Variants in CHMP7 observed in about 807,000 individuals in gnomAD.
CHMP7 encodes CHMP family, member 7.
CHMP7 carries 15 observed loss-of-function variants against 53.7 expected under a neutral mutation model. That is an observed-to-expected ratio of 0.28 (90% confidence interval 0.19 to 0.43). CHMP7 has a LOEUF of 0.43. Among genes scored for constraint, CHMP7 ranks in the 20% least tolerant of loss-of-function variants. The pLI is 1.00. For synonymous variants in CHMP7, 261 were observed against 228.0 expected (o/e 1.14, Z -1.30); for missense variants, 527 against 569.4 (o/e 0.93, Z 0.76).
At chr8:23,253,124 C>T (rs1801993494) in intron 3 of CHMP7, among the ~76,000 whole-genome samples, 1 of 152,184 alleles carries the variant, frequency 6.6e-6, no homozygotes, top group African/African-American at 2.4e-5. Flanking sequence ...GGTCTTCCTT[C>T]AGCTTATTAC....
Position 23,246,609 on chromosome 8 carries a change from T to C in CHMP7, c.-87T>C. On this transcript the variant is annotated 5_prime_UTR_variant, in exon 2 of 11. Transcript: ENST00000397677. Reference sequence around the variant, plus strand: ...TGACGTGTGAACGAGAAGGAGGTGGTCAAGGAACGGAAGCCGGGAGGGAAC... The same window carrying C: ...TGACGTGTGAACGAGAAGGAGGTGGCCAAGGAACGGAAGCCGGGAGGGAAC... The C allele has an allele frequency of 8.6e-7, 1 of 1,168,140 alleles. No homozygotes were observed. The highest frequency in any genetic ancestry group is 1.2e-6 in the Non-Finnish European group (1 of 835,894). 72.4% of individuals were successfully genotyped at this position (1,168,140 alleles called of 1,614,324 possible).
intron 3 of CHMP7, among the ~76,000 whole-genome samples, chr8:23,251,876 C>T (rs1314578182): frequency 6.6e-6 from 1 of 152,168 alleles, no homozygotes; most frequent in African/African-American, 2.4e-5. Flanking sequence ...CTATGTACTT[C>T]TCCCTTTATT....
chr8:23,252,917 TAGGG>T (rs1416747344), intron 3 of CHMP7, among the ~76,000 whole-genome samples: 11 of 152,344 alleles, frequency 7.2e-5, no homozygotes, highest in African/African-American at 2.4e-4. Context: ...GCATATCTGG[TAGGG>T]CAGTCAAATC....
In CHMP7 at chr8:23,246,319, T is replaced by G; in HGVS notation, c.-377T>G. 4.6e-6 allele frequency: 1 copy of G among 218,204 alleles called. No individual in the cohort carries two copies. Among genetic ancestry groups the G allele is most frequent in the Non-Finnish European group, 9.2e-6 (1 of 108,178 alleles). 13.5% of individuals were successfully genotyped at this position (218,204 alleles called of 1,614,324 possible). ...GCGCCCCTCTGCGGCTATTCCCCAG[T>G]TCCATTTTCTGAAGCCACAGGTCAG... is the stretch of plus-strand genomic sequence containing the variant. On this transcript the variant is annotated 5_prime_UTR_variant, in exon 2 of 11. Coordinates refer to ENST00000397677, the MANE Select transcript of CHMP7 (RefSeq NM_152272.5).
In CHMP7 at chr8:23,249,252, A is replaced by G. The variant is rs1801827670; in HGVS notation, c.342A>G (p.Val114=). Residue 114 remains valine, a synonymous_variant, in exon 3 of 11, where the codon GTA becomes GTG. Transcript: ENST00000397677. ...LQRESDFMAS[V]DSSWISWGVG... is the part of the protein sequence containing the mutation. Reference sequence around the variant, plus strand: ...GGGAGTCAGACTTCATGGCCAGTGTAGACAGCAGCTGGATCTCCTGGGGGG... The same window carrying G: ...GGGAGTCAGACTTCATGGCCAGTGTGGACAGCAGCTGGATCTCCTGGGGGG... 1 of 1,610,174 alleles carries G rather than the reference A, an allele frequency of 6.2e-7. No homozygotes were observed. Among genetic ancestry groups the G allele is most frequent in the Non-Finnish European group, 8.5e-7 (1 of 1,178,296 alleles).
intron 2 of CHMP7, chr8:23,248,202 G>A: frequency 2.2e-6 from 1 of 456,298 alleles, no homozygotes; most frequent in South Asian, 1.5e-5. Flanking sequence ...GAAGAAGTCA[G>A]TGAGGGAAGG....
intron 5 of CHMP7, among the ~76,000 whole-genome samples, chr8:23,257,347 C>G (rs1032611082): frequency 6.6e-6 from 1 of 152,166 alleles, no homozygotes; most frequent in African/African-American, 2.4e-5. Flanking sequence ...ACCCCCACCT[C>G]AGCCTCCCAA....
Position 23,257,008 on chromosome 8 carries a change from G to A in CHMP7, c.791+415G>A, listed in dbSNP as rs530333507. Among the ~76,000 whole-genome samples, 71 of 151,744 alleles carry A rather than the reference G, an allele frequency of 4.7e-4. 1 individual carries two copies. The highest frequency in any genetic ancestry group is 1.7e-3 in the African/African-American group (69 of 41,438). On this transcript the variant is annotated intron_variant, in intron 5 of 10. Coordinates refer to ENST00000397677, the MANE Select transcript of CHMP7 (RefSeq NM_152272.5). ...GGGGTTTCACTGTGTTAGCCAGGATGGTCTGAATCTCCTGACCTCGTGATC... is the reference window on the plus strand; with the variant it reads ...GGGGTTTCACTGTGTTAGCCAGGATAGTCTGAATCTCCTGACCTCGTGATC...
chr8:23,252,245 G>GC (rs1801962271), intron 3 of CHMP7: 1 of 144,004 alleles, frequency 6.9e-6, no homozygotes, highest in Non-Finnish European at 1.5e-5. Context: ...GAGTGCAGTG[G>GC]CACGATCTCC....
Position 23,246,951 on chromosome 8 carries a change from A to G in CHMP7, c.256A>G (p.Ser86Gly). 1 of 1,550,810 alleles carries G rather than the reference A, an allele frequency of 6.4e-7. No individual in the cohort carries two copies. Among genetic ancestry groups the G allele is most frequent in the Non-Finnish European group, 8.7e-7 (1 of 1,150,846 alleles). Residue 86 changes from serine (S) to glycine (G), a missense_variant, in exon 2 of 11, where the codon AGC becomes GGC. Transcript: ENST00000397677. ...GCAGGAGGCCTTTCAGCGCAAGGGG[A>G]GCGTCCCGCTGGGGCTGGCCACGGT... ...DLQEAFQRKG[S>G]VPLGLATVLQ...
intron 3 of CHMP7, among the ~76,000 whole-genome samples, chr8:23,252,023 T>G (rs1328852744): frequency 2.6e-5 from 4 of 152,036 alleles, no homozygotes; most frequent in African/African-American, 9.7e-5. Flanking sequence ...CCCCACATCC[T>G]TGTCAGCACG....
rs1458293831 is a variant in CHMP7, at chr8:23,261,509, G to C, written c.*910G>C. On this transcript the variant is annotated 3_prime_UTR_variant, in exon 11 of 11. Transcript: ENST00000397677. ...CCTGGCACACAGCACCGGGCTCTCT[G>C]AATTTGGAAAGTGTTTCATTTTGTG... The C allele has an allele frequency of 6.5e-6, 1 of 152,750 alleles. No individual in the cohort carries two copies. Among genetic ancestry groups the C allele is most frequent in the Non-Finnish European group, 1.5e-5 (1 of 68,130 alleles). The allele number at this position is 152,750 out of a possible 1,614,324, so 9.5% of individuals were successfully genotyped here. A position where few individuals can be genotyped will look rare whatever the true frequency, so the allele number is the denominator to read the frequency against.
At chr8:23,257,768 G>A (rs1230945638) in intron 5 of CHMP7, among the ~76,000 whole-genome samples, 1 of 152,234 alleles carries the variant, frequency 6.6e-6, no homozygotes, top group Non-Finnish European at 1.5e-5. Flanking sequence ...AGGAAGATGT[G>A]TATAATGTGC....
chr8:23,245,081 A>G (rs992809575), intron 1 of CHMP7, among the ~76,000 whole-genome samples: 3 of 152,234 alleles, frequency 2.0e-5, no homozygotes, highest in African/African-American at 7.2e-5. Flanking sequence ...ATAAAGACAG[A>G]CCATTTTATT....
intron 9 of CHMP7, among the ~76,000 whole-genome samples, chr8:23,259,330 G>A (rs1201429174): frequency 4.0e-5 from 6 of 149,504 alleles, no homozygotes; most frequent in East Asian, 3.9e-4. Flanking sequence ...CACTATGCCC[G>A]GCTAATTTTT....
intron 3 of CHMP7, among the ~76,000 whole-genome samples, chr8:23,251,532 C>T (rs1801928923): frequency 6.6e-6 from 1 of 152,152 alleles, no homozygotes; most frequent in African/African-American, 2.4e-5. Flanking sequence ...GGCCCTGGGA[C>T]CCTGGGAGCA....
rs533496712 is a variant in CHMP7 at position 23,259,031 on chromosome 8, T to G, written c.1060-35T>G. 2.1e-5 allele frequency: 30 copies of G among 1,442,040 alleles called. No homozygotes were observed. In the East Asian group the frequency reaches 6.1e-4, roughly 29 times the overall value. The allele number at this position is 1,442,040 out of a possible 1,614,324, so 89.3% of individuals were successfully genotyped here. On this transcript the variant is annotated intron_variant, in intron 8 of 10. Transcript: ENST00000397677. The stretch of plus-strand genomic sequence containing the variant: ...AAGACTGAGATGCTCAGAGCCACCA[T>G]GCCCAGCTCAAGGCTTTGCACTTGT...
rs956607322 is a variant in CHMP7 at position 23,251,969 on chromosome 8, A to C, written c.471+2588A>C. ...GCCAAACTACTTTTCAAAAGTTTGT[A>C]ATAAGTTGCACTTTCATCAAGACTG... On this transcript the variant is annotated intron_variant, in intron 3 of 10. Transcript: ENST00000397677. Among the ~76,000 whole-genome samples the C allele has an allele frequency of 9.9e-5, 15 of 152,236 alleles. No individual in the cohort carries two copies. The East Asian group carries it at 2.9e-3, about 29-fold the overall frequency.
In CHMP7 at chr8:23,258,786, G is replaced by A. The variant is rs1304445583; in HGVS notation, c.1015G>A (p.Val339Ile). 1.9e-6 allele frequency: 3 copies of A among 1,613,734 alleles called. No homozygotes were observed. Among genetic ancestry groups the A allele is most frequent in the Non-Finnish European group, 2.5e-6 (3 of 1,179,802 alleles). ...AGCACTCAAACTCTCCATGAAGGAT[G>A]TCACAGTGGAGAAGGCAGAGAGCCT... ...VGALKLSMKD[V>I]TVEKAESLVD... is the part of the protein sequence containing the mutation. The change falls in exon 8 of 11, where the codon GTC becomes ATC. Residue 339 changes from valine (V) to isoleucine (I), a missense_variant. Val to Ile is a conservative substitution (Grantham distance 29, BLOSUM62 3). Coordinates refer to ENST00000397677, the MANE Select transcript of CHMP7 (RefSeq NM_152272.5).
Sources: allele counts gnomAD v4.1 joint callset (sites outside exome capture counted in the v4.1 genomes callset), GRCh38; gene constraint gnomAD v4.1.1; transcripts MANE v1.5; gene names NCBI Gene and HGNC (gene_info 2026-07-23, HGNC 2026-07-21).